The following SUDS3 variants were observed in gnomAD, a reference collection of about 807,000 sequenced individuals.
SUDS3 encodes the protein sin3 histone deacetylase corepressor complex component SDS3.
SUDS3 carries 23 observed loss-of-function variants against 53.5 expected under a neutral mutation model. The ratio of observed to expected loss-of-function variants is 0.43; its 90% CI spans 0.31 to 0.61. The LOEUF is 0.61. Among genes scored for constraint, SUDS3 ranks in the 20% least tolerant of loss-of-function variants. SUDS3 has a pLI of 0.10. For missense variants in SUDS3, 291 were observed against 405.9 expected, an observed-to-expected ratio of 0.72 and a Z score of 2.43; for synonymous variants, 150 against 148.5, an observed-to-expected ratio of 1.01 and a Z score of -0.08.
chr12:118,381,438 A>G (rs2046058441), intron 2 of SUDS3, among the ~76,000 whole-genome samples: 1 of 152,030 alleles, frequency 6.6e-6, no homozygotes, highest in South Asian at 2.1e-4. Flanking sequence ...GCTGGAGTGC[A>G]GTGGCCTGAT....
At chr12:118,402,089 C>T in intron 9 of SUDS3, 85 bp downstream of exon 9, 1 of 1,507,012 alleles carries the variant, frequency 6.6e-7, no homozygotes, top group South Asian at 1.2e-5. Flanking sequence ...GAAATGGTTG[C>T]AATTTTCAAA....
chr12:118,401,696 T>G, intron 7 of SUDS3, 63 bp from the exon 8 acceptor site: 2 of 1,294,792 alleles, frequency 1.5e-6, no homozygotes, highest in Non-Finnish European at 2.2e-6. Flanking sequence ...CTGGTACCAT[T>G]GTGTTGATTA....
chr12:118,404,635 C>T (rs188683411), intron 10 of SUDS3, among the ~76,000 whole-genome samples: 1 of 152,224 alleles, frequency 6.6e-6, no homozygotes, highest in Admixed American at 6.5e-5. Context: ...TATTCTTTAT[C>T]CATATGCAGG....
intron 9 of SUDS3, chr12:118,402,384 G>A (rs377180391): frequency 1.3e-5 from 3 of 229,616 alleles, no homozygotes; most frequent in South Asian, 7.5e-5. Context: ...TTCTGCTCCC[G>A]TGGCTTTTCG....
rs867601112 is a variant in SUDS3 at position 118,384,387 on chromosome 12, A to G, written c.268+320A>G. 1.1e-4 allele frequency among the ~76,000 whole-genome samples: 16 copies of G among 152,254 alleles called. 1 individual carries two copies. Among genetic ancestry groups the G allele is most frequent in the Middle Eastern group, 3.2e-3 (1 of 316 alleles). On this transcript the variant is annotated intron_variant, in intron 3 of 11. Coordinates refer to ENST00000543473, the MANE Select transcript of SUDS3 (RefSeq NM_022491.3). Reference sequence around the variant, plus strand: ...AGGAGAGACATTGTTATCAAAGAATAAAGTTTTTACTGTTTTTTCTAAACC... The same window carrying G: ...AGGAGAGACATTGTTATCAAAGAATGAAGTTTTTACTGTTTTTTCTAAACC...
chr12:118,380,241 A>G lies in SUDS3; in HGVS notation c.212+10A>G, dbSNP rs376479816. The G allele has an allele frequency of 1.3e-6, 2 of 1,597,968 alleles. No individual in the cohort carries two copies. The highest frequency in any genetic ancestry group is 1.7e-6 in the Non-Finnish European group (2 of 1,171,070). ...TAGAAATGAAGGAACAGTGAGTATG[A>G]TATGCCTATGTCTTTTTGGAACATA... On this transcript the variant is annotated intron_variant, in intron 2 of 11. Coordinates refer to ENST00000543473, the MANE Select transcript of SUDS3 (RefSeq NM_022491.3).
Position 118,400,320 on chromosome 12 carries a change from C to T in SUDS3, c.518-339C>T, listed in dbSNP as rs11068933. ...ATGACCTTCAGGTTCCTTCCTATCC[C>T]GAGAGCCTGTGACTCTGGGCTTCTT... On this transcript the variant is annotated intron_variant, in intron 6 of 11. Transcript: ENST00000543473. Among the ~76,000 whole-genome samples, 1,831 of 152,130 alleles carry T rather than the reference C, an allele frequency of 0.012. 192 individuals are homozygous for T. In the East Asian group the frequency reaches 0.25, roughly 21 times the overall value.
intron 10 of SUDS3, among the ~76,000 whole-genome samples, chr12:118,406,069 G>A (rs868421873): frequency 2.0e-5 from 3 of 152,124 alleles, no homozygotes; most frequent in Non-Finnish European, 2.9e-5. Flanking sequence ...GTCTTATACT[G>A]CTTTTAAGGC....
rs115376222 is a variant in SUDS3, at chr12:118,401,364, T to C, written c.614-395T>C. On this transcript the variant is annotated intron_variant, in intron 7 of 11. Coordinates refer to ENST00000543473, the MANE Select transcript of SUDS3 (RefSeq NM_022491.3). ...AGGAAAGGGCATAACTTCAGGTTGC[T>C]TCTCCTTCACAACAGGAGTTAAGTT... 1.9e-3 allele frequency among the ~76,000 whole-genome samples: 290 copies of C among 152,360 alleles called. 2 individuals carry two copies. The highest frequency in any genetic ancestry group is 6.3e-3 in the African/African-American group (262 of 41,584).
At chr12:118,391,503 C>G (rs2046167638) in intron 6 of SUDS3, among the ~76,000 whole-genome samples, 1 of 152,142 alleles carries the variant, frequency 6.6e-6, no homozygotes, top group Admixed American at 6.5e-5. Flanking sequence ...CTGATCATAC[C>G]CTCTCACAGG....
At chr12:118,390,597 G>A (rs1472035963) in intron 5 of SUDS3, among the ~76,000 whole-genome samples, 1 of 152,176 alleles carries the variant, frequency 6.6e-6, no homozygotes, top group African/African-American at 2.4e-5. Flanking sequence ...CTCAAGTGAG[G>A]TACTCACATC....
chr12:118,414,927 G>A lies in SUDS3; in HGVS notation c.*494G>A, dbSNP rs1174789697. ...ATTTGCCCAGAAGCTTGGGGCAGAG[G>A]TCCTAGCAGGAGATGATGAATTCTC... On this transcript the variant is annotated 3_prime_UTR_variant, in exon 12 of 12. Transcript: ENST00000543473. 1 of 152,330 alleles carries A rather than the reference G, an allele frequency of 6.6e-6. No individual in the cohort carries two copies. Among genetic ancestry groups the A allele is most frequent in the African/African-American group, 2.4e-5 (1 of 41,436 alleles). 9.4% of individuals were successfully genotyped at this position (152,330 alleles called of 1,614,324 possible). A position where few individuals can be genotyped will look rare whatever the true frequency, so the allele number is the denominator to read the frequency against.
At chr12:118,379,428 CTG>C (rs1024919212) in intron 1 of SUDS3, among the ~76,000 whole-genome samples, 4 of 152,056 alleles carry the variant, frequency 2.6e-5, no homozygotes, top group African/African-American at 9.7e-5. Context: ...CAGAGTGAGA[CTG>C]TGTCTCATTA....
At chr12:118,391,018 A>C in intron 5 of SUDS3, 108 bp from the exon 6 acceptor site, 2 of 1,211,618 alleles carry the variant, frequency 1.7e-6, no homozygotes, top group Non-Finnish European at 2.5e-6. Context: ...AGTGTGTGTG[A>C]GGGGGAAACT....
chr12:118,407,087 A>G (rs997183969), intron 10 of SUDS3, among the ~76,000 whole-genome samples: 1 of 151,850 alleles, frequency 6.6e-6, no homozygotes, highest in Middle Eastern at 3.4e-3. Flanking sequence ...TTTAGTAGAG[A>G]TGAGGTCTTG....
chr12:118,405,359 G>T (rs1338127706), intron 10 of SUDS3, among the ~76,000 whole-genome samples: 1 of 152,072 alleles, frequency 6.6e-6, no homozygotes, highest in Admixed American at 6.5e-5. Context: ...CAGACTTTAC[G>T]AGACATGTCT....
chr12:118,386,477 A>G (rs774491898), intron 4 of SUDS3, among the ~76,000 whole-genome samples: 4 of 151,864 alleles, frequency 2.6e-5, no homozygotes, highest in Non-Finnish European at 5.9e-5. Flanking sequence ...TCATTTCTGC[A>G]TGGCTGGCCT....
intron 10 of SUDS3, among the ~76,000 whole-genome samples, chr12:118,410,033 A>C (rs2046344456): frequency 6.6e-6 from 1 of 152,216 alleles, no homozygotes; most frequent in Admixed American, 6.5e-5. Flanking sequence ...CAAATTAGAT[A>C]CCCTTTGGTA....
intron 5 of SUDS3, chr12:118,390,887 A>G: frequency 1.7e-6 from 1 of 577,882 alleles, no homozygotes. Context: ...AAAATATAGG[A>G]TGTGGAAGCG....
Sources: gnomAD v4.1 joint callset for allele counts (sites outside exome capture counted in the v4.1 genomes callset) on GRCh38, gnomAD v4.1.1 for gene constraint, MANE v1.5 for transcripts, NCBI Gene and HGNC (gene_info 2026-07-23, HGNC 2026-07-21) for gene names.